Variants in RIMS1 observed in about 807,000 individuals in gnomAD.
RIMS1 encodes regulating synaptic membrane exocytosis protein 1.
In RIMS1, 83 loss-of-function variants were observed where a neutral mutation model predicts 214.1. The observed-to-expected ratio is 0.39, with a 90% CI of 0.32 to 0.47. RIMS1 has a LOEUF of 0.47. RIMS1 is among the 20% of genes least tolerant of loss of function. RIMS1 has a pLI of 0.99. For missense variants in RIMS1, 2,050 were observed against 2,161.8 expected, an observed-to-expected ratio of 0.95 and a Z score of 1.03; for synonymous variants, 793 against 786.8, an observed-to-expected ratio of 1.01 and a Z score of -0.13.
At chr6:71,985,237 A>C (rs1044729642) in intron 2 of RIMS1, among the ~76,000 whole-genome samples, 1 of 152,070 alleles carries the variant, frequency 6.6e-6, no homozygotes, top group Non-Finnish European at 1.5e-5. Context: ...TTAAAAAATA[A>C]AACATTAGCC....
chr6:72,183,571 T>TG (rs2048668970), intron 6 of RIMS1, among the ~76,000 whole-genome samples: 1 of 82,844 alleles, frequency 1.2e-5, no homozygotes, highest in Non-Finnish European at 3.4e-5. Context: ...CAAAGGTAGT[T>TG]TTTTTTTTTT....
chr6:72,288,150 C>T (rs753794853), intron 24 of RIMS1, among the ~76,000 whole-genome samples: 1 of 152,094 alleles, frequency 6.6e-6, no homozygotes, highest in African/African-American at 2.4e-5. Context: ...GCTGGACAGA[C>T]CTGTGTGGAT....
chr6:72,181,192 T>C (rs1030390704), intron 5 of RIMS1, among the ~76,000 whole-genome samples: 1 of 152,138 alleles, frequency 6.6e-6, no homozygotes, highest in East Asian at 1.9e-4. Context: ...ATATGTATAG[T>C]ATTTTGAGAG....
chr6:72,257,418 G>T (rs1420267674), intron 16 of RIMS1, among the ~76,000 whole-genome samples: 1 of 151,906 alleles, frequency 6.6e-6, no homozygotes, highest in Non-Finnish European at 1.5e-5. Flanking sequence ...TATTATCTTA[G>T]TTATGCTAAT....
intron 24 of RIMS1, among the ~76,000 whole-genome samples, chr6:72,287,171 A>G (rs1010252806): frequency 6.6e-6 from 1 of 152,120 alleles, no homozygotes; most frequent in African/African-American, 2.4e-5. Context: ...TTATTTCTTT[A>G]TTTGGACTAC....
At chr6:72,088,879 G>A (rs1835399393) in intron 2 of RIMS1, among the ~76,000 whole-genome samples, 1 of 151,102 alleles carries the variant, frequency 6.6e-6, no homozygotes, top group Non-Finnish European at 1.5e-5. Context: ...CTTAGTGTAT[G>A]ATGAAGAAAA....
At chr6:72,263,962 C>T (rs909926610) in intron 19 of RIMS1, 15 of 457,446 alleles carry the variant, frequency 3.3e-5, no homozygotes, top group African/African-American at 3.0e-4. Context: ...CATTGCACTC[C>T]AGCCTAGATA....
chr6:71,951,392 C>G (rs1789460609), intron 1 of RIMS1, among the ~76,000 whole-genome samples: 1 of 151,994 alleles, frequency 6.6e-6, no homozygotes, highest in Non-Finnish European at 1.5e-5. Context: ...CAACTACATT[C>G]TTACATTCAA....
intron 33 of RIMS1, among the ~76,000 whole-genome samples, chr6:72,400,216 G>T (rs569784355): frequency 2.8e-4 from 42 of 152,160 alleles, no homozygotes; most frequent in African/African-American, 9.9e-4. Context: ...ATACTCTTAT[G>T]TATTTATTTC....
intron 6 of RIMS1, among the ~76,000 whole-genome samples, chr6:72,191,749 A>T (rs770824331): frequency 2.0e-5 from 3 of 152,234 alleles, no homozygotes; most frequent in Non-Finnish European, 2.9e-5. Context: ...ATGAAGCCAC[A>T]TCTGGTATAG....
At chr6:72,145,220 A>C (rs1443599624) in intron 4 of RIMS1, among the ~76,000 whole-genome samples, 1 of 152,220 alleles carries the variant, frequency 6.6e-6, no homozygotes, top group Non-Finnish European at 1.5e-5. Flanking sequence ...TTTTAAAGCC[A>C]AGCCCAGCCA....
chr6:71,969,653 A>T (rs772301507), intron 2 of RIMS1, among the ~76,000 whole-genome samples: 1 of 152,100 alleles, frequency 6.6e-6, no homozygotes, highest in Non-Finnish European at 1.5e-5. Context: ...TACTAAAAAT[A>T]CAAAAATTAG....
intron 6 of RIMS1, among the ~76,000 whole-genome samples, chr6:72,218,503 T>G (rs2057200261): frequency 6.6e-6 from 1 of 152,236 alleles, no homozygotes; most frequent in African/African-American, 2.4e-5. Flanking sequence ...TGAATCAGAT[T>G]GCTGCCTACC....
rs58950183 is a variant in RIMS1, at chr6:72,235,900, A to ATTTTTC, written c.1857+174_1857+175insTTTCTT. Among the ~76,000 whole-genome samples the ATTTTTC allele has an allele frequency of 4.6e-5, 7 of 151,490 alleles. No homozygotes were observed. The East Asian group carries it at 1.4e-3, about 29-fold the overall frequency. On this transcript the variant is annotated intron_variant, in intron 8 of 33. Transcript: ENST00000521978. ...GAATAAAATTTAGGGAAACTAATGT[A>ATTTTTC]TTCTGACTATAAAGTTCAGGATGAT... is the stretch of plus-strand genomic sequence containing the variant.
chr6:72,133,398 G>A (rs1373052492), intron 4 of RIMS1, among the ~76,000 whole-genome samples: 1 of 152,094 alleles, frequency 6.6e-6, no homozygotes, highest in African/African-American at 2.4e-5. Context: ...TATGCTGGGT[G>A]ACAAGAATCT....
At chr6:72,089,226 C>T (rs1055141368) in intron 2 of RIMS1, among the ~76,000 whole-genome samples, 6 of 152,140 alleles carry the variant, frequency 3.9e-5, no homozygotes, top group African/African-American at 1.4e-4. Context: ...TAGGTTCCAT[C>T]AGTCAAATGG....
intron 2 of RIMS1, among the ~76,000 whole-genome samples, chr6:72,034,778 G>C (rs1280327298): frequency 1.3e-5 from 2 of 152,100 alleles, no homozygotes; most frequent in Non-Finnish European, 2.9e-5. Flanking sequence ...AATAAACTGA[G>C]ACGGATCCCA....
chr6:72,286,455 T>C (rs1194603458), intron 24 of RIMS1, among the ~76,000 whole-genome samples: 1 of 152,228 alleles, frequency 6.6e-6, no homozygotes, highest in African/African-American at 2.4e-5. Flanking sequence ...TTTTCAAATA[T>C]ATGACACTTA....
At chr6:71,942,272 C>T (rs922382289) in intron 1 of RIMS1, among the ~76,000 whole-genome samples, 14 of 152,092 alleles carry the variant, frequency 9.2e-5, no homozygotes, top group African/African-American at 3.4e-4. Context: ...ATTGCTGTGC[C>T]ATTAATATAA....
Sources: allele counts gnomAD v4.1 joint callset (sites outside exome capture counted in the v4.1 genomes callset), GRCh38; gene constraint gnomAD v4.1.1; transcripts MANE v1.5; gene names NCBI Gene and HGNC (gene_info 2026-07-23, HGNC 2026-07-21).